MACROD2: variants seen among roughly 807,000 people sequenced by gnomAD.
MACROD2 encodes the protein ADP-ribose glycohydrolase MACROD2.
A neutral mutation model predicts 70.4 loss-of-function variants in MACROD2; 36 were observed. The ratio of observed to expected loss-of-function variants is 0.51; its 90% CI spans 0.39 to 0.68. The LOEUF (loss-of-function observed/expected upper bound fraction) is 0.68, where lower values mean the gene tolerates loss of function less well. MACROD2 is among the 30% of genes least tolerant of loss of function. The pLI is 0.00. For synonymous variants in MACROD2, 172 were observed against 178.8 expected (o/e 0.96, Z 0.30); for missense variants, 496 against 538.4 (o/e 0.92, Z 0.78).
intron 8 of MACROD2, among the ~76,000 whole-genome samples, chr20:15,688,563 A>G (rs1600761969): frequency 6.6e-6 from 1 of 152,358 alleles, no homozygotes; most frequent in Middle Eastern, 3.4e-3. Flanking sequence ...TGGCTTCAAT[A>G]TGTGAAGAAT....
rs1267608331 is a variant in MACROD2 at position 14,609,829 on chromosome 20, A to C, written c.302-75014A>C. ...TGTCTGGGGTCATGGGCTGTGGGAC[A>C]GAATGAAGCTCCATTTTCTACAATG... On this transcript the variant is annotated intron_variant, in intron 4 of 17. Coordinates refer to ENST00000684519, the MANE Select transcript of MACROD2 (RefSeq NM_001351661.2). Among the ~76,000 whole-genome samples the C allele has an allele frequency of 3.3e-5, 5 of 152,150 alleles. No homozygotes were observed. The East Asian group carries it at 7.7e-4, about 23-fold the overall frequency.
chr20:15,469,017 C>T (rs2046931235), intron 7 of MACROD2, among the ~76,000 whole-genome samples: 1 of 152,256 alleles, frequency 6.6e-6, no homozygotes, highest in Non-Finnish European at 1.5e-5. Context: ...TCACTGAGAT[C>T]ACTAGAATAT....
At chr20:14,428,894 C>T (rs2083964136) in intron 3 of MACROD2, among the ~76,000 whole-genome samples, 2 of 152,126 alleles carry the variant, frequency 1.3e-5, no homozygotes, top group African/African-American at 4.8e-5. Context: ...TTTGAGTTGA[C>T]TCATAAATAT....
In MACROD2 at chr20:14,901,344, G is replaced by A. The variant is rs115236383; in HGVS notation, c.418+216385G>A. 5.8e-3 allele frequency among the ~76,000 whole-genome samples: 886 copies of A among 151,964 alleles called. 10 individuals carry two copies. The highest frequency in any genetic ancestry group is 0.021 in the African/African-American group (854 of 41,500). On this transcript the variant is annotated intron_variant, in intron 5 of 17. Coordinates refer to ENST00000684519, the MANE Select transcript of MACROD2 (RefSeq NM_001351661.2). ...GTTGTTTTCATTTTCCAATAAATTGGTAAAAGGGAACTTAATGACATTGTC... is the reference window on the plus strand; with the variant it reads ...GTTGTTTTCATTTTCCAATAAATTGATAAAAGGGAACTTAATGACATTGTC...
chr20:15,204,088 T>C (rs1490881445), intron 5 of MACROD2, among the ~76,000 whole-genome samples: 1 of 152,130 alleles, frequency 6.6e-6, no homozygotes, highest in African/African-American at 2.4e-5. Flanking sequence ...TAGGTTTTAC[T>C]TTATTAATCA....
chr20:15,343,945 C>T (rs751221147), intron 6 of MACROD2, among the ~76,000 whole-genome samples: 7 of 152,018 alleles, frequency 4.6e-5, no homozygotes, highest in Non-Finnish European at 7.4e-5. Context: ...TTTTATAGAT[C>T]GAGGTGAATA....
At chr20:15,250,868 A>G (rs1255469283) in intron 6 of MACROD2, among the ~76,000 whole-genome samples, 1 of 152,238 alleles carries the variant, frequency 6.6e-6, no homozygotes, top group Non-Finnish European at 1.5e-5. Context: ...TATTGGATCC[A>G]TAATTGAGTA....
At chr20:15,511,721 G>A (rs2047502652) in intron 8 of MACROD2, among the ~76,000 whole-genome samples, 1 of 152,162 alleles carries the variant, frequency 6.6e-6, no homozygotes, top group Admixed American at 6.5e-5. Context: ...CTTCTGCCCT[G>A]TTACCTACTG....
intron 5 of MACROD2, among the ~76,000 whole-genome samples, chr20:14,993,245 G>T (rs2074920851): frequency 6.6e-6 from 1 of 151,470 alleles, no homozygotes; most frequent in South Asian, 2.1e-4. Context: ...CATGCAACCA[G>T]ATGTTATCTG....
intron 6 of MACROD2, among the ~76,000 whole-genome samples, chr20:15,284,405 G>T (rs920476848): frequency 6.6e-6 from 1 of 151,950 alleles, no homozygotes; most frequent in Non-Finnish European, 1.5e-5. Context: ...TAATAGTTTT[G>T]TAGCTAATGG....
At chr20:15,209,087 TGTGGTGGTGGTG>T (rs537024871) in intron 5 of MACROD2, among the ~76,000 whole-genome samples, 5 of 151,570 alleles carry the variant, frequency 3.3e-5, no homozygotes, top group South Asian at 2.1e-4. Flanking sequence ...ATCCCTTTCC[TGTGGTGGTGGTG>T]GTGGTGGTGG....
chr20:15,074,941 C>A (rs1377180241), intron 5 of MACROD2, among the ~76,000 whole-genome samples: 2 of 151,984 alleles, frequency 1.3e-5, no homozygotes, highest in Admixed American at 6.6e-5. Flanking sequence ...TACCAACTCA[C>A]AAAAGAAAAG....
chr20:14,002,254 A>C (rs1376209961), intron 1 of MACROD2, 34 bp from the exon 2 acceptor site: 1 of 1,373,292 alleles, frequency 7.3e-7, no homozygotes, highest in Admixed American at 2.1e-5. Context: ...TTAAACGTTA[A>C]ATACAAATGG....
chr20:15,164,620 G>C (rs1488813765), intron 5 of MACROD2, among the ~76,000 whole-genome samples: 1 of 152,172 alleles, frequency 6.6e-6, no homozygotes, highest in African/African-American at 2.4e-5. Context: ...AACAGGCTGG[G>C]TATGGTGGCT....
intron 3 of MACROD2, among the ~76,000 whole-genome samples, chr20:14,224,907 A>C (rs1330487749): frequency 2.0e-5 from 3 of 152,140 alleles, no homozygotes; most frequent in Admixed American, 2.0e-4. Flanking sequence ...TTGAATCCTT[A>C]TACACTAGCC....
intron 4 of MACROD2, among the ~76,000 whole-genome samples, chr20:14,673,902 A>T (rs1297255857): frequency 1.3e-5 from 2 of 149,320 alleles, no homozygotes; most frequent in Non-Finnish European, 3.0e-5. Flanking sequence ...CCTGGGCAAC[A>T]AGAGTGAAAC....
intron 4 of MACROD2, among the ~76,000 whole-genome samples, chr20:14,644,809 T>A (rs543556521): frequency 1.9e-4 from 29 of 152,212 alleles, no homozygotes; most frequent in African/African-American, 7.0e-4. Context: ...CAATAGTAAC[T>A]CCAGATGCCA....
chr20:14,344,957 C>T (rs1008481764), intron 3 of MACROD2, among the ~76,000 whole-genome samples: 13 of 152,146 alleles, frequency 8.5e-5, no homozygotes, highest in East Asian at 1.9e-4. Context: ...GTAATCCTGT[C>T]CTCCCTTTCT....
At chr20:14,673,123 T>C (rs1368683096) in intron 4 of MACROD2, among the ~76,000 whole-genome samples, 2 of 152,212 alleles carry the variant, frequency 1.3e-5, no homozygotes, top group Non-Finnish European at 2.9e-5. Context: ...CCAGTTAATA[T>C]TGCTTGCTTT....
Sources: allele counts gnomAD v4.1 joint callset (sites outside exome capture counted in the v4.1 genomes callset), GRCh38; gene constraint gnomAD v4.1.1; transcripts MANE v1.5; gene names NCBI Gene and HGNC (gene_info 2026-07-23, HGNC 2026-07-21).